Variants in DARS1 observed in about 807,000 individuals in gnomAD.
The protein encoded by DARS1 is aspartate--tRNA ligase, cytoplasmic.
DARS1 carries 51 observed loss-of-function variants against 68.8 expected under a neutral mutation model. That is an observed-to-expected ratio of 0.74 (90% CI 0.59 to 0.94). DARS1 has a LOEUF of 0.94. DARS1 is among the 40% of genes least tolerant of loss of function. The pLI is 0.00. For synonymous variants in DARS1, 203 were observed against 190.4 expected, an observed-to-expected ratio of 1.07 and a Z score of -0.55; for missense variants, 607 against 597.3, an observed-to-expected ratio of 1.02 and a Z score of -0.17.
rs574401218 is a variant in DARS1, at chr2:135,926,214, A to C, written c.565-1716T>G. On this transcript the variant is annotated intron_variant, in intron 7 of 15. Coordinates refer to ENST00000264161, the MANE Select transcript of DARS1 (RefSeq NM_001349.4). ...CCTAAACTCACTTCAACATCTTGCT[A>C]AATGGAAATTAAACTTATGAACTGG... 8.7e-4 allele frequency among the ~76,000 whole-genome samples: 133 copies of C among 152,294 alleles called. 3 individuals carry two copies. The highest frequency in any genetic ancestry group is 2.8e-3 in the African/African-American group (116 of 41,572).
intron 4 of DARS1, among the ~76,000 whole-genome samples, chr2:135,958,672 CATT>C (rs1682031349): frequency 6.6e-6 from 1 of 152,172 alleles, no homozygotes; most frequent in African/African-American, 2.4e-5. Context: ...AAAAACTCAT[CATT>C]TTTTGCCAAC....
chr2:135,914,807 T>C, intron 11 of DARS1: 1 of 250,642 alleles, frequency 4.0e-6, no homozygotes. Context: ...TTCCTACAAT[T>C]ACACATAATA....
intron 8 of DARS1, among the ~76,000 whole-genome samples, chr2:135,923,158 C>T (rs1229163738): frequency 6.6e-6 from 1 of 152,082 alleles, no homozygotes. Flanking sequence ...TATATATGCT[C>T]CCTTTCTGCA....
At chr2:135,915,523 A>G (rs1480536137) in intron 11 of DARS1, among the ~76,000 whole-genome samples, 2 of 152,078 alleles carry the variant, frequency 1.3e-5, no homozygotes, top group Admixed American at 6.6e-5. Context: ...CCTGGCTCAT[A>G]TGATCCTCCT....
intron 4 of DARS1, among the ~76,000 whole-genome samples, chr2:135,954,325 CAAAAAAAAAAA>C (rs1172207033): frequency 1.2e-5 from 1 of 81,478 alleles, no homozygotes; most frequent in African/African-American, 4.7e-5. Context: ...AAAACAAAAC[CAAAAAAAAAAA>C]AAAAAAAAAG....
chr2:135,922,643 A>G, intron 9 of DARS1, 141 bp downstream of exon 9: 1 of 1,248,964 alleles, frequency 8.0e-7, no homozygotes, highest in African/African-American at 1.6e-5. Context: ...CTCTAACTCA[A>G]AGTCTAGCAT....
intron 15 of DARS1, among the ~76,000 whole-genome samples, chr2:135,907,611 G>A (rs1475051126): frequency 6.6e-6 from 1 of 152,112 alleles, no homozygotes; most frequent in East Asian, 1.9e-4. Context: ...AAAGGACTAA[G>A]TAATATATCC....
chr2:135,970,482 A>G (rs1682346511), intron 3 of DARS1, among the ~76,000 whole-genome samples: 1 of 152,028 alleles, frequency 6.6e-6, no homozygotes, highest in Admixed American at 6.6e-5. Flanking sequence ...GATACAGTGA[A>G]AGCTGTACTA....
intron 3 of DARS1, among the ~76,000 whole-genome samples, chr2:135,971,450 A>G (rs1387371588): frequency 1.3e-5 from 2 of 152,192 alleles, no homozygotes; most frequent in Non-Finnish European, 2.9e-5. Flanking sequence ...TTAACATAAT[A>G]AAAGCCATAT....
chr2:135,954,887 A>G (rs1449242089), intron 4 of DARS1, among the ~76,000 whole-genome samples: 1 of 152,026 alleles, frequency 6.6e-6, no homozygotes. Flanking sequence ...TAACCTTTAC[A>G]CTAATAGTGT....
intron 13 of DARS1, 36 bp downstream of exon 13, chr2:135,912,450 G>A: frequency 2.6e-6 from 2 of 755,428 alleles, no homozygotes; most frequent in South Asian, 3.1e-5. Context: ...TTTCCCTTCT[G>A]CCTCAAAATG....
chr2:135,924,146 G>T (rs1681163612), intron 8 of DARS1, among the ~76,000 whole-genome samples: 2 of 152,194 alleles, frequency 1.3e-5, no homozygotes, highest in Non-Finnish European at 2.9e-5. Context: ...CTTGCTTTGT[G>T]TGTTACTGCC....
chr2:135,915,274 C>T (rs1680980468), intron 11 of DARS1, among the ~76,000 whole-genome samples: 1 of 152,012 alleles, frequency 6.6e-6, no homozygotes, highest in East Asian at 1.9e-4. Flanking sequence ...ATAGAAATTA[C>T]CTTTACATGT....
At chr2:135,979,200 G>A (rs1174933125) in intron 3 of DARS1, 74 bp downstream of exon 3, 1 of 780,216 alleles carries the variant, frequency 1.3e-6, no homozygotes, top group Non-Finnish European at 2.2e-6. Context: ...ATTTACTTTG[G>A]TCTGTGAGGA....
chr2:135,920,647 T>C, intron 9 of DARS1, 47 bp from the exon 10 acceptor site: 3 of 1,523,016 alleles, frequency 2.0e-6, no homozygotes, highest in Non-Finnish European at 2.6e-6. Context: ...GATTTCAATT[T>C]TGGATAAATA....
intron 13 of DARS1, 80 bp from the exon 14 acceptor site, chr2:135,911,573 C>T (rs1271653541): frequency 7.3e-6 from 5 of 683,918 alleles, no homozygotes; most frequent in Admixed American, 2.6e-5. Context: ...ATCTCTGCTG[C>T]ATGAAGAGCA....
intron 7 of DARS1, among the ~76,000 whole-genome samples, chr2:135,928,351 T>C (rs1681268197): frequency 6.6e-6 from 1 of 152,154 alleles, no homozygotes. Context: ...CCTGATTTAA[T>C]TCCAAAGGGA....
intron 12 of DARS1, among the ~76,000 whole-genome samples, chr2:135,912,823 G>A (rs564039084): frequency 6.6e-6 from 1 of 151,202 alleles, no homozygotes; most frequent in East Asian, 1.9e-4. Flanking sequence ...TTTAAGAGAT[G>A]GGGTCTTGCT....
At position 135,906,490 on chromosome 2, in the gene DARS1, C is replaced by T. The variant is rs895217402; in HGVS notation, c.*826G>A. 5.3e-5 allele frequency among the ~76,000 whole-genome samples: 8 copies of T among 152,080 alleles called. No homozygotes were observed. The highest frequency in any genetic ancestry group is 9.7e-5 in the African/African-American group (4 of 41,424). On this transcript the variant is annotated 3_prime_UTR_variant, in exon 16 of 16. Coordinates refer to ENST00000264161, the MANE Select transcript of DARS1 (RefSeq NM_001349.4). Reference sequence around the variant, plus strand: ...CCCATGTGAAATGAACTCTGTCAACCGACCCAAGCTGTCAACTTTAAGAGC... The same window carrying T: ...CCCATGTGAAATGAACTCTGTCAACTGACCCAAGCTGTCAACTTTAAGAGC...
Sources: gnomAD v4.1 joint callset for allele counts (sites outside exome capture counted in the v4.1 genomes callset) on GRCh38, gnomAD v4.1.1 for gene constraint, MANE v1.5 for transcripts, NCBI Gene and HGNC (gene_info 2026-07-23, HGNC 2026-07-21) for gene names.